MDH1B: variants seen among roughly 807,000 people sequenced by gnomAD.
MDH1B encodes malate dehydrogenase 1B.
A neutral mutation model predicts 61.4 loss-of-function variants in MDH1B; 60 were observed. The observed-to-expected ratio is 0.98, with a 90% CI of 0.79 to 1.21. The LOEUF is 1.21. Among genes scored for constraint, MDH1B ranks in the 50% most tolerant of loss-of-function variants. MDH1B has a pLI of 0.00. For synonymous variants in MDH1B, 236 were observed against 218.7 expected (o/e 1.08, Z -0.70); for missense variants, 587 against 632.1 (o/e 0.93, Z 0.76).
chr2:206,753,058 A>C (rs931535173), intron 5 of MDH1B, among the ~76,000 whole-genome samples: 1 of 152,076 alleles, frequency 6.6e-6, no homozygotes, highest in Non-Finnish European at 1.5e-5. Flanking sequence ...CTCCTGGGGT[A>C]CGTAAACTAC....
At chr2:206,740,170 C>T (rs1278571635) in intron 10 of MDH1B, among the ~76,000 whole-genome samples, 2 of 152,114 alleles carry the variant, frequency 1.3e-5, no homozygotes, top group Non-Finnish European at 2.9e-5. Flanking sequence ...GACACCATTC[C>T]TCTGTGTGAT....
rs769199731 is a variant in MDH1B, at chr2:206,738,484, T to G, written c.1556A>C (p.Ter519SerextTer15). Residue 519 changes from the stop codon to serine (S), a stop_lost, in exon 12 of 12, where the codon TAA becomes TCA. Coordinates refer to ENST00000374412, the MANE Select transcript of MDH1B (RefSeq NM_001039845.3). ...ATATATTTCATCCAATTTGATCTGTTAGGATTCCACGGTTTTGCCTTCAAA... is the reference window on the plus strand; with the variant it reads ...ATATATTTCATCCAATTTGATCTGTGAGGATTCCACGGTTTTGCCTTCAAA... ...NEFEGKTVES[*>S] 1.5e-5 allele frequency: 23 copies of G among 1,581,986 alleles called. 1 individual carries two copies. Among genetic ancestry groups the G allele is most frequent in the Non-Finnish European group, 1.9e-5 (22 of 1,158,768 alleles).
At position 206,745,744 on chromosome 2, in the gene MDH1B, T is replaced by G. The variant is rs1253227543; in HGVS notation, c.1357-71A>C. The G allele has an allele frequency of 3.2e-6, 4 of 1,240,718 alleles. No individual in the cohort carries two copies. The African/African-American group carries it at 4.6e-5, about 14-fold the overall frequency. 76.9% of individuals were successfully genotyped at this position (1,240,718 alleles called of 1,614,324 possible). ...ACTTAATTCTTCTTTTTTTTTTTTT[T>G]TTTTTTGAGACAGAGTTTCACTCTT... On this transcript the variant is annotated intron_variant, in intron 8 of 11. Coordinates refer to ENST00000374412, the MANE Select transcript of MDH1B (RefSeq NM_001039845.3).
intron 1 of MDH1B, among the ~76,000 whole-genome samples, chr2:206,763,128 A>G (rs1342833147): frequency 2.0e-5 from 3 of 151,598 alleles, no homozygotes; most frequent in Non-Finnish European, 4.4e-5. Flanking sequence ...TCTATGATGT[A>G]TTTTGTCACC....
In MDH1B at chr2:206,764,169, A is replaced by G. The variant is rs116607739; in HGVS notation, c.22+1081T>C. 4.8e-3 allele frequency among the ~76,000 whole-genome samples: 724 copies of G among 152,094 alleles called. 3 individuals carry two copies. Among genetic ancestry groups the G allele is most frequent in the Non-Finnish European group, 8.0e-3 (546 of 67,960 alleles). On this transcript the variant is annotated intron_variant, in intron 1 of 11. Coordinates refer to ENST00000374412, the MANE Select transcript of MDH1B (RefSeq NM_001039845.3). ...AAAAATTAGCTGGGCATGCTGGTGT[A>G]TGCCTGTAGTCCCAGCTACTTGGGA...
Position 206,745,616 on chromosome 2 carries a change from G to T in MDH1B, c.1408+6C>A. ...GTCCAATAAAACATCACGTCTAAGAGCTTACCTGATTGGTATGGCTGAAAA... is the reference window on the plus strand; with the variant it reads ...GTCCAATAAAACATCACGTCTAAGATCTTACCTGATTGGTATGGCTGAAAA... On this transcript the variant is annotated splice_donor_region_variant and intron_variant, in intron 9 of 11. Transcript: ENST00000374412. 1 of 1,606,790 alleles carries T rather than the reference G, an allele frequency of 6.2e-7. No individual in the cohort carries two copies. Among genetic ancestry groups the T allele is most frequent in the Admixed American group, 1.7e-5 (1 of 59,852 alleles).
chr2:206,751,664 A>G (rs1688456119), intron 5 of MDH1B, among the ~76,000 whole-genome samples: 1 of 152,230 alleles, frequency 6.6e-6, no homozygotes, highest in Non-Finnish European at 1.5e-5. Flanking sequence ...AAGAAAACAA[A>G]TCAGCCCAAA....
chr2:206,742,159 T>C lies in MDH1B; in HGVS notation c.1409-1055A>G, dbSNP rs542844203. On this transcript the variant is annotated intron_variant, in intron 9 of 11. Transcript: ENST00000374412. ...ATACTGAGCCTCAAATCTGCAAAGATTGCCCTGAGTGAGTCTTATCTCCTG... is the reference window on the plus strand; with the variant it reads ...ATACTGAGCCTCAAATCTGCAAAGACTGCCCTGAGTGAGTCTTATCTCCTG... Among the ~76,000 whole-genome samples the C allele has an allele frequency of 2.6e-5, 4 of 152,286 alleles. No individual in the cohort carries two copies. In the East Asian group the frequency reaches 5.8e-4, roughly 22 times the overall value.
chr2:206,746,551 T>C, intron 7 of MDH1B, 125 bp from the exon 8 acceptor site: 1 of 1,063,900 alleles, frequency 9.4e-7, no homozygotes, highest in Non-Finnish European at 1.3e-6. Flanking sequence ...TGGAATTAAA[T>C]TTCTCGGAAT....
chr2:206,749,431 C>T (rs890828654), intron 6 of MDH1B, among the ~76,000 whole-genome samples: 2 of 152,092 alleles, frequency 1.3e-5, no homozygotes, highest in African/African-American at 4.8e-5. Flanking sequence ...AAATATGGAA[C>T]ATAGAAAAGT....
chr2:206,745,730 C>CT (rs140066038), intron 8 of MDH1B, 57 bp from the exon 9 acceptor site: 61,369 of 739,510 alleles, frequency 0.083, 67 homozygotes, highest in Non-Finnish European at 0.097. Flanking sequence ...CTTAATTCTT[C>CT]TTTTTTTTTT....
At chr2:206,740,913 G>C in intron 10 of MDH1B, 141 bp downstream of exon 10, 1 of 1,162,538 alleles carries the variant, frequency 8.6e-7, no homozygotes, top group Non-Finnish European at 1.2e-6. Context: ...CCATTTCAAA[G>C]TGTTTGTGAA....
intron 1 of MDH1B, among the ~76,000 whole-genome samples, chr2:206,762,836 T>G (rs768402204): frequency 1.2e-4 from 19 of 152,200 alleles, no homozygotes; most frequent in Admixed American, 2.6e-4. Context: ...CTTCCAGGCT[T>G]TTGAAACACT....
At chr2:206,756,618 G>A (rs1688775185) in intron 4 of MDH1B, 2 of 360,750 alleles carry the variant, frequency 5.5e-6, no homozygotes, top group Non-Finnish European at 1.0e-5. Flanking sequence ...CAGTCAGAGA[G>A]GGTGAGCTTC....
At chr2:206,755,600 G>A in intron 4 of MDH1B, 95 bp from the exon 5 acceptor site, 1 of 1,438,908 alleles carries the variant, frequency 6.9e-7, no homozygotes, top group Non-Finnish European at 9.3e-7. Context: ...TGCATCAATA[G>A]GGTGGTTTAA....
intron 5 of MDH1B, among the ~76,000 whole-genome samples, chr2:206,754,691 A>T (rs1204629035): frequency 6.6e-6 from 1 of 152,170 alleles, no homozygotes; most frequent in Admixed American, 6.5e-5. Flanking sequence ...GATTTTTTTT[A>T]AAACACTGGT....
In MDH1B at chr2:206,757,389, A is replaced by G; in HGVS notation, c.136-18T>C. ...AGCCAATCCTGTTGAATGATATCCCAAGTGAAGTCATATATTAAATCTGCC... is the reference window on the plus strand; with the variant it reads ...AGCCAATCCTGTTGAATGATATCCCGAGTGAAGTCATATATTAAATCTGCC... On this transcript the variant is annotated intron_variant, in intron 2 of 11. Coordinates refer to ENST00000374412, the MANE Select transcript of MDH1B (RefSeq NM_001039845.3). The G allele has an allele frequency of 6.2e-7, 1 of 1,606,452 alleles. No homozygotes were observed. Among genetic ancestry groups the G allele is most frequent in the Non-Finnish European group, 8.5e-7 (1 of 1,177,964 alleles).
intron 9 of MDH1B, among the ~76,000 whole-genome samples, chr2:206,742,942 C>T (rs1241610786): frequency 6.6e-6 from 1 of 152,056 alleles, no homozygotes; most frequent in Non-Finnish European, 1.5e-5. Context: ...GTCTCGATCT[C>T]CTGACTTTGT....
At chr2:206,746,184 A>T in intron 8 of MDH1B, 103 bp downstream of exon 8, 1 of 1,046,972 alleles carries the variant, frequency 9.6e-7, no homozygotes, top group Admixed American at 2.9e-5. Context: ...AAGAATTAAA[A>T]AAAAATTTGA....
Sources: allele counts gnomAD v4.1 joint callset (sites outside exome capture counted in the v4.1 genomes callset), GRCh38; gene constraint gnomAD v4.1.1; transcripts MANE v1.5; gene names NCBI Gene and HGNC (gene_info 2026-07-23, HGNC 2026-07-21).